ANGPTL3: variants seen among roughly 807,000 people sequenced by gnomAD.
ANGPTL3 encodes angiopoietin like 3, also known as angiopoietin-related protein 3.
In ANGPTL3, 51 loss-of-function variants were observed where a neutral mutation model predicts 52.7. The observed-to-expected ratio is 0.97, with a 90% confidence interval of 0.77 to 1.22. The LOEUF is 1.22. ANGPTL3 is among the 50% of genes most tolerant of loss of function. The probability of loss-of-function intolerance (pLI) is 0.00; values close to 1 mark genes in which losing one functional copy is unlikely to be tolerated. For missense variants in ANGPTL3, 506 were observed against 520.7 expected, an observed-to-expected ratio of 0.97 and a Z score of 0.27; for synonymous variants, 185 against 179.8, an observed-to-expected ratio of 1.03 and a Z score of -0.23.
intron 5 of ANGPTL3, 142 bp from the exon 6 acceptor site, chr1:62,603,824 GTAT>G: frequency 1.4e-6 from 1 of 718,832 alleles, no homozygotes; most frequent in Non-Finnish European, 2.3e-6. Flanking sequence ...GTTTTAAAAG[GTAT>G]TATTTTAAGA....
chr1:62,602,201 TA>T (rs1476458219), intron 4 of ANGPTL3, 83 bp from the exon 5 acceptor site: 9 of 1,130,210 alleles, frequency 8.0e-6, no homozygotes, highest in Non-Finnish European at 1.2e-5. Flanking sequence ...AACCACCAAT[TA>T]AAATCAAACA....
In ANGPTL3 at chr1:62,601,062, G is replaced by T. The variant is rs540203252; in HGVS notation, c.607-20G>T. Reference sequence around the variant, plus strand: ...ATATTCAGTATCATTTTAAAAAACAGATTTATATTCTTTTATCAGCTCAGA... The same window carrying T: ...ATATTCAGTATCATTTTAAAAAACATATTTATATTCTTTTATCAGCTCAGA... On this transcript the variant is annotated intron_variant, in intron 2 of 6. Transcript: ENST00000371129. 6 of 1,418,260 alleles carry T rather than the reference G, an allele frequency of 4.2e-6. No homozygotes were observed. In the African/African-American group the frequency reaches 7.1e-5, roughly 17 times the overall value. 87.9% of individuals were successfully genotyped at this position (1,418,260 alleles called of 1,614,324 possible).
intron 5 of ANGPTL3, among the ~76,000 whole-genome samples, chr1:62,603,326 A>C (rs1397636619): frequency 6.6e-6 from 1 of 151,804 alleles, no homozygotes; most frequent in Non-Finnish European, 1.5e-5. Context: ...GTATTTTATA[A>C]ATACTTTAAT....
rs758789203 is a variant in ANGPTL3, at chr1:62,602,381, G to GT, written c.931+2dup. 20 of 1,608,390 alleles carry GT rather than the reference G, an allele frequency of 1.2e-5. No individual in the cohort carries two copies. Among genetic ancestry groups the GT allele is most frequent in the Non-Finnish European group, 1.6e-5 (19 of 1,175,590 alleles). On this transcript the variant is annotated splice_donor_variant, in intron 5 of 6. Transcript: ENST00000371129. LOFTEE classifies it high-confidence loss of function. ...AAATATGGTTTTGGGAGGCTTGATG[G>GT]TAAGGGGACTACATTCAATCATTCA...
intron 2 of ANGPTL3, 80 bp from the exon 3 acceptor site, chr1:62,601,002 C>T: frequency 3.6e-6 from 3 of 840,800 alleles, no homozygotes; most frequent in African/African-American, 1.7e-5. Flanking sequence ...ACAAACTGTA[C>T]TTCTGACATC....
rs896305059 is a variant in ANGPTL3, at chr1:62,604,889, G to T, written c.*72G>T. 4.1e-6 allele frequency: 6 copies of T among 1,479,224 alleles called. No individual in the cohort carries two copies. The African/African-American group carries it at 8.4e-5, about 21-fold the overall frequency. The allele number at this position is 1,479,224 out of a possible 1,614,324, so 91.6% of individuals were successfully genotyped here. On this transcript the variant is annotated 3_prime_UTR_variant, in exon 7 of 7. Coordinates refer to ENST00000371129, the MANE Select transcript of ANGPTL3 (RefSeq NM_014495.4). ...CAAGTTAATGTGGTCTAATAATCTG[G>T]TATTAAATCCTTAAGAGAAAGCTTG...
At position 62,604,995 on chromosome 1, in the gene ANGPTL3, T is replaced by C. The variant is rs967176454; in HGVS notation, c.*178T>C. 2.6e-5 allele frequency: 16 copies of C among 623,552 alleles called. No individual in the cohort carries two copies. The highest frequency in any genetic ancestry group is 9.2e-5 in the Admixed American group (3 of 32,532). 38.6% of individuals were successfully genotyped at this position (623,552 alleles called of 1,614,324 possible). ...TCACATAACCTTAAAGAATACCGTT[T>C]ACATTTCTCAATCAAAATTCTTATA... On this transcript the variant is annotated 3_prime_UTR_variant, in exon 7 of 7. Transcript: ENST00000371129.
In ANGPTL3 at chr1:62,598,727, A is replaced by G. The variant is rs759356440; in HGVS notation, c.527A>G (p.Lys176Arg). ...TFVEKQDNSI[K>R]DLLQTVEDQY... ...GTAGAAAAACAAGATAATAGCATCA[A>G]AGACCTTCTCCAGACCGTGGAAGAC... The change falls in exon 2 of 7, where the codon AAA (lysine) becomes AGA (arginine). Residue 176 changes from lysine (K) to arginine (R), a missense_variant. Physicochemically the swap from Lys to Arg is conservative, Grantham distance 26. Coordinates refer to ENST00000371129, the MANE Select transcript of ANGPTL3 (RefSeq NM_014495.4). 1 of 1,611,258 alleles carries G rather than the reference A, an allele frequency of 6.2e-7. No individual in the cohort carries two copies. The highest frequency in any genetic ancestry group is 1.1e-5 in the South Asian group (1 of 91,026).
Position 62,605,068 on chromosome 1 carries a change from TCA to T in ANGPTL3, c.*254_*255del, listed in dbSNP as rs1650779313. The T allele has an allele frequency of 7.3e-6, 3 of 411,422 alleles. No homozygotes were observed. The highest frequency in any genetic ancestry group is 8.8e-6 in the Non-Finnish European group (2 of 226,948). The allele number at this position is 411,422 out of a possible 1,614,324, so 25.5% of individuals were successfully genotyped here. ...TGATGTGGGAATCAATTTTAGATGG[TCA>T]CAATCTAGATTATAATCAATAGGTG... On this transcript the variant is annotated 3_prime_UTR_variant, in exon 7 of 7. Transcript: ENST00000371129.
chr1:62,603,667 G>A (rs1650491146), intron 5 of ANGPTL3, among the ~76,000 whole-genome samples: 1 of 151,664 alleles, frequency 6.6e-6, no homozygotes, highest in South Asian at 2.1e-4. Context: ...CTCTACCAAT[G>A]ACGAGACTTT....
At chr1:62,600,436 C>G (rs182009868) in intron 2 of ANGPTL3, among the ~76,000 whole-genome samples, 23 of 151,832 alleles carry the variant, frequency 1.5e-4, no homozygotes, top group African/African-American at 5.3e-4. Flanking sequence ...AAAAAACTAA[C>G]ACTAATAATG....
intron 1 of ANGPTL3, 63 bp from the exon 2 acceptor site, chr1:62,598,633 A>T: frequency 1.1e-6 from 1 of 873,356 alleles, no homozygotes; most frequent in Non-Finnish European, 1.9e-6. Flanking sequence ...TGATAGTGTT[A>T]CAGGAAATTA....
chr1:62,601,861 G>T lies in ANGPTL3; in HGVS notation c.814G>T (p.Val272Phe). The T allele has an allele frequency of 6.2e-7, 1 of 1,608,366 alleles. No individual in the cohort carries two copies. Among genetic ancestry groups the T allele is most frequent in the Non-Finnish European group, 8.5e-7 (1 of 1,175,772 alleles). ...ACCCAGCAACTCTCAAGTTTTTCATGTCTACTGTGATGTTATATCAGGTAA... is the reference window on the plus strand; with the variant it reads ...ACCCAGCAACTCTCAAGTTTTTCATTTCTACTGTGATGTTATATCAGGTAA... The part of the protein sequence containing the change: ...IRPSNSQVFH[V>F]YCDVISGSPW... The change falls in exon 4 of 7, where the codon GTC (valine) becomes TTC (phenylalanine). Residue 272 changes from valine to phenylalanine, a missense_variant. Coordinates refer to ENST00000371129, the MANE Select transcript of ANGPTL3 (RefSeq NM_014495.4).
Position 62,604,027 on chromosome 1 carries a change from T to C in ANGPTL3, c.990T>C (p.Val330=), listed in dbSNP as rs752858126. 7 of 1,613,128 alleles carry C rather than the reference T, an allele frequency of 4.3e-6. No homozygotes were observed. The South Asian group carries it at 7.7e-5, about 18-fold the overall frequency. Residue 330 remains valine (V), a synonymous_variant, in exon 6 of 7, where the codon GTT becomes GTC. Transcript: ENST00000371129. The part of the protein sequence containing the change: ...IYSIVKQSNY[V]LRIELEDWKD... ...CCATAGTGAAGCAATCTAATTATGT[T>C]TTACGAATTGAGTTGGAAGACTGGA...
At chr1:62,598,170 C>CT (rs1178574509) in intron 1 of ANGPTL3, 109 bp downstream of exon 1, 19 of 1,046,786 alleles carry the variant, frequency 1.8e-5, no homozygotes, top group African/African-American at 3.3e-5. Context: ...TGTTGAAATA[C>CT]TTTTTTTTCC....
rs192778191 is a variant in ANGPTL3 at position 62,604,032 on chromosome 1, G to A, written c.995G>A (p.Arg332Gln). The A allele has an allele frequency of 8.0e-5, 129 of 1,612,896 alleles. No homozygotes were observed. Among genetic ancestry groups the A allele is most frequent in the Middle Eastern group, 5.0e-4 (3 of 6,050 alleles). ...SIVKQSNYVL[R>Q]IELEDWKDNK... ...GTGAAGCAATCTAATTATGTTTTAC[G>A]AATTGAGTTGGAAGACTGGAAAGAC... The change falls in exon 6 of 7, where the codon CGA becomes CAA. Residue 332 changes from arginine to glutamine, a missense_variant. Transcript: ENST00000371129.
chr1:62,598,101 A>G, intron 1 of ANGPTL3, 40 bp downstream of exon 1: 2 of 1,504,722 alleles, frequency 1.3e-6, no homozygotes, highest in Non-Finnish European at 1.8e-6. Context: ...TATGTTTTCA[A>G]TGTGGATCTT....
rs145437774 is a variant in ANGPTL3 at position 62,599,609 on chromosome 1, T to C, written c.606+803T>C. 3.9e-3 allele frequency among the ~76,000 whole-genome samples: 586 copies of C among 152,176 alleles called. 6 individuals are homozygous for C. Among genetic ancestry groups the C allele is most frequent in the African/African-American group, 0.013 (531 of 41,536 alleles). On this transcript the variant is annotated intron_variant, in intron 2 of 6. Coordinates refer to ENST00000371129, the MANE Select transcript of ANGPTL3 (RefSeq NM_014495.4). ...AATACAGGGATTTTTTCCATTATCTTCATATTTTCCATTATTTGTATATAC... is the reference window on the plus strand; with the variant it reads ...AATACAGGGATTTTTTCCATTATCTCCATATTTTCCATTATTTGTATATAC...
At chr1:62,602,234 T>G in intron 4 of ANGPTL3, 51 bp from the exon 5 acceptor site, 1 of 1,409,602 alleles carries the variant, frequency 7.1e-7, no homozygotes, top group Non-Finnish European at 1.0e-6. Flanking sequence ...GTTATTTACA[T>G]CTGTCAACAT....
Sources: allele counts gnomAD v4.1 joint callset (sites outside exome capture counted in the v4.1 genomes callset), GRCh38; gene constraint gnomAD v4.1.1; transcripts MANE v1.5; gene names NCBI Gene and HGNC (gene_info 2026-07-23, HGNC 2026-07-21).